The following MAN2B2 variants were observed in gnomAD, a reference collection of about 807,000 sequenced individuals.
The protein encoded by MAN2B2 is mannosidase alpha class 2B member 2.
In MAN2B2, 106 loss-of-function variants were observed where a neutral mutation model predicts 117.1. The observed-to-expected ratio is 0.90, with a 90% CI of 0.77 to 1.06. The LOEUF is 1.06. Among genes scored for constraint, MAN2B2 ranks in the 50% least tolerant of loss-of-function variants. The pLI is 0.00. For missense variants in MAN2B2, 1,326 were observed against 1,381.4 expected (o/e 0.96, Z 0.64); for synonymous variants, 544 against 595.1 (o/e 0.91, Z 1.25).
intron 3 of MAN2B2, among the ~76,000 whole-genome samples, chr4:6,581,068 A>G (rs922361040): frequency 1.3e-5 from 2 of 152,202 alleles, no homozygotes; most frequent in African/African-American, 2.4e-5. Flanking sequence ...TCTAGGTACA[A>G]GATGTACACG....
At chr4:6,596,172 G>C (rs887983600) in intron 7 of MAN2B2, among the ~76,000 whole-genome samples, 4 of 151,420 alleles carry the variant, frequency 2.6e-5, no homozygotes, top group African/African-American at 9.7e-5. Flanking sequence ...ATCCAGGCGG[G>C]TGTGGGTGGG....
chr4:6,606,623 C>G (rs1727556376), intron 11 of MAN2B2, among the ~76,000 whole-genome samples: 1 of 152,234 alleles, frequency 6.6e-6, no homozygotes, highest in Non-Finnish European at 1.5e-5. Context: ...GTCTGTCTCT[C>G]TTGTTTTGAA....
At chr4:6,579,371 C>CACCACCACCACT (rs1166659525) in intron 3 of MAN2B2, among the ~76,000 whole-genome samples, 7 of 93,864 alleles carry the variant, frequency 7.5e-5, no homozygotes, top group African/African-American at 2.1e-4. Flanking sequence ...TCACCATCAC[C>CACCACCACCACT]ACCACCACCA....
At chr4:6,610,810 C>A (rs112262212) in intron 13 of MAN2B2, 70 bp from the exon 14 acceptor site, 25,417 of 1,371,522 alleles carry the variant, frequency 0.019, 404 homozygotes, top group African/African-American at 0.079. Context: ...GCTGGGGTGG[C>A]CAGAGGGTGA....
intron 5 of MAN2B2, 70 bp from the exon 6 acceptor site, chr4:6,593,103 G>A: frequency 2.0e-6 from 3 of 1,488,050 alleles, no homozygotes; most frequent in Non-Finnish European, 2.8e-6. Flanking sequence ...GGAGAACATG[G>A]CACTTGGGTG....
chr4:6,612,821 TTGAAC>T (rs1711632705), intron 15 of MAN2B2, among the ~76,000 whole-genome samples: 1 of 152,220 alleles, frequency 6.6e-6, no homozygotes, highest in Non-Finnish European at 1.5e-5. Flanking sequence ...GAAACCCAAC[TTGAAC>T]TAGCTGAGCC....
At chr4:6,598,156 G>C (rs752363980) in intron 8 of MAN2B2, 42 bp from the exon 9 acceptor site, 91 of 1,600,156 alleles carry the variant, frequency 5.7e-5, no homozygotes, top group Non-Finnish European at 7.8e-5. Context: ...TGCAGAGTCA[G>C]GTCCTGATCC....
chr4:6,610,166 C>T (rs1560660067), intron 13 of MAN2B2, 116 bp downstream of exon 13: 1 of 1,434,496 alleles, frequency 7.0e-7, no homozygotes, highest in East Asian at 2.4e-5. Flanking sequence ...TGTTTTTTTC[C>T]TTTTTTTTAA....
At position 6,585,792 on chromosome 4, in the gene MAN2B2, G is replaced by A. The variant is rs116823326; in HGVS notation, c.392-1204G>A. Among the ~76,000 whole-genome samples the A allele has an allele frequency of 9.0e-3, 1,367 of 152,220 alleles. 22 individuals carry two copies. Among genetic ancestry groups the A allele is most frequent in the African/African-American group, 0.03 (1,253 of 41,526 alleles). On this transcript the variant is annotated intron_variant, in intron 3 of 18. Coordinates refer to ENST00000285599, the MANE Select transcript of MAN2B2 (RefSeq NM_015274.3). ...GGGTCTACTCCAGGCTGGCTCTCGCGGCTGTGAGAGGAAGCCTCAGTTCCT... is the reference window on the plus strand; with the variant it reads ...GGGTCTACTCCAGGCTGGCTCTCGCAGCTGTGAGAGGAAGCCTCAGTTCCT...
In MAN2B2 at chr4:6,609,204, A is replaced by C; in HGVS notation, c.1912A>C (p.Thr638Pro). ...QGPISDNYLFTPGKAAVPAWE... is the reference protein window; with the variant it reads ...QGPISDNYLFPPGKAAVPAWE... ...CCCCATTTCCGATAACTACCTGTTCACACCGGGCAAGGCCGCGGTGCCTGC... is the reference window on the plus strand; with the variant it reads ...CCCCATTTCCGATAACTACCTGTTCCCACCGGGCAAGGCCGCGGTGCCTGC... The change falls in exon 12 of 19, where the codon ACA becomes CCA. Residue 638 changes from threonine to proline, a missense_variant. By Grantham distance (38) the Thr-to-Pro change is conservative. Coordinates refer to ENST00000285599, the MANE Select transcript of MAN2B2 (RefSeq NM_015274.3). The C allele has an allele frequency of 6.2e-7, 1 of 1,614,210 alleles. No homozygotes were observed. The highest frequency in any genetic ancestry group is 8.5e-7 in the Non-Finnish European group (1 of 1,180,036).
chr4:6,614,756 T>C (rs1300685967), intron 16 of MAN2B2, among the ~76,000 whole-genome samples: 1 of 152,228 alleles, frequency 6.6e-6, no homozygotes, highest in East Asian at 1.9e-4. Flanking sequence ...AGCCTAACTC[T>C]TGGGAGTTTC....
At position 6,594,754 on chromosome 4, in the gene MAN2B2, G is replaced by A. The variant is rs764934935; in HGVS notation, c.1057+22G>A. Reference sequence around the variant, plus strand: ...ACAGGTACAGGCTTCCAGGGGCTGGGGTGGTAGTTTGGTGGCAGGGAGGGT... The same window carrying A: ...ACAGGTACAGGCTTCCAGGGGCTGGAGTGGTAGTTTGGTGGCAGGGAGGGT... On this transcript the variant is annotated intron_variant, in intron 7 of 18. Coordinates refer to ENST00000285599, the MANE Select transcript of MAN2B2 (RefSeq NM_015274.3). 3 of 1,593,874 alleles carry A rather than the reference G, an allele frequency of 1.9e-6. No individual in the cohort carries two copies. The Admixed American group carries it at 5.2e-5, about 28-fold the overall frequency.
intron 14 of MAN2B2, 31 bp from the exon 15 acceptor site, chr4:6,611,055 G>T: frequency 6.2e-7 from 1 of 1,612,030 alleles, no homozygotes; most frequent in Non-Finnish European, 8.5e-7. Context: ...CCAGGTGCAA[G>T]CCGGGCCTCT....
At chr4:6,615,081 G>T (rs964855752) in intron 16 of MAN2B2, among the ~76,000 whole-genome samples, 2 of 152,190 alleles carry the variant, frequency 1.3e-5, no homozygotes, top group African/African-American at 4.8e-5. Context: ...CCAAGGCCTG[G>T]CACACCTGCA....
intron 15 of MAN2B2, among the ~76,000 whole-genome samples, chr4:6,611,987 C>T (rs1340165449): frequency 1.3e-5 from 2 of 152,226 alleles, no homozygotes; most frequent in African/African-American, 4.8e-5. Context: ...ACAATGATTA[C>T]ATTTAAAGAT....
chr4:6,578,143 T>A (rs576042294), intron 2 of MAN2B2, among the ~76,000 whole-genome samples: 1 of 152,218 alleles, frequency 6.6e-6, no homozygotes, highest in Non-Finnish European at 1.5e-5. Flanking sequence ...TAGAATTAGT[T>A]AATAAAATAA....
intron 4 of MAN2B2, 37 bp from the exon 5 acceptor site, chr4:6,589,008 T>C (rs779288659): frequency 4.0e-6 from 6 of 1,514,722 alleles, no homozygotes; most frequent in Admixed American, 3.4e-5. Context: ...GGCAGCCATG[T>C]GGCCCCTCCA....
chr4:6,593,122 G>T (rs1294675933), intron 5 of MAN2B2, 51 bp from the exon 6 acceptor site: 2 of 1,582,016 alleles, frequency 1.3e-6, no homozygotes, highest in African/African-American at 1.4e-5. Context: ...TGTGAGCCCT[G>T]GCTGTCCACA....
In MAN2B2 at chr4:6,597,237, C is replaced by T. The variant is rs895742598; in HGVS notation, c.1182C>T (p.Pro394=). ...TCACACGCTACCTGTGGCCGGCCCCCCGTGGGCATCTGGACCCCACCTGGG... is the reference window on the plus strand; with the variant it reads ...TCACACGCTACCTGTGGCCGGCCCCTCGTGGGCATCTGGACCCCACCTGGG... ...SMFTRYLWPA[P]RGHLDPTWAL... Residue 394 remains proline (P), a synonymous_variant, in exon 8 of 19, where the codon CCC becomes CCT. Coordinates refer to ENST00000285599, the MANE Select transcript of MAN2B2 (RefSeq NM_015274.3). 3.1e-6 allele frequency: 5 copies of T among 1,604,770 alleles called. No individual in the cohort carries two copies. The highest frequency in any genetic ancestry group is 2.2e-5 in the East Asian group (1 of 44,446).
Sources: gnomAD v4.1 joint callset for allele counts (sites outside exome capture counted in the v4.1 genomes callset) on GRCh38, gnomAD v4.1.1 for gene constraint, MANE v1.5 for transcripts, NCBI Gene and HGNC (gene_info 2026-07-23, HGNC 2026-07-21) for gene names.